Variants in GRK5 observed in about 807,000 individuals in gnomAD.
The protein encoded by GRK5 is g protein-coupled receptor kinase GRK5.
Under a neutral mutation model 78.4 loss-of-function variants are expected in GRK5, and 40 were observed. The ratio of observed to expected loss-of-function variants is 0.51; its 90% CI spans 0.40 to 0.66. The LOEUF is 0.66. Ranked by LOEUF, GRK5 falls within the 30% of genes least tolerant of loss-of-function variation. The pLI is 0.00. For missense variants in GRK5, 598 were observed against 759.9 expected (o/e 0.79, Z 2.50); for synonymous variants, 289 against 296.8 (o/e 0.97, Z 0.27).
At chr10:119,425,245 A>G (rs1852652023) in intron 6 of GRK5, among the ~76,000 whole-genome samples, 160 bp downstream of exon 6, 1 of 148,220 alleles carries the variant, frequency 6.7e-6, no homozygotes, top group Non-Finnish European at 1.5e-5. Flanking sequence ...GAAATGCTGT[A>G]TGCTTATTCA....
intron 3 of GRK5, among the ~76,000 whole-genome samples, chr10:119,393,705 C>G (rs1851924143): frequency 1.3e-5 from 2 of 152,210 alleles, no homozygotes; most frequent in South Asian, 4.1e-4. Flanking sequence ...TTTGGAGACG[C>G]CACTGCTGCC....
chr10:119,437,976 TAGTCCCAGATACTTGGG>T (rs1413234220), intron 9 of GRK5, among the ~76,000 whole-genome samples: 1 of 152,228 alleles, frequency 6.6e-6, no homozygotes, highest in African/African-American at 2.4e-5. Flanking sequence ...CACGCGCCTG[TAGTCCCAGATACTTGGG>T]AGGCTGAGGC....
At position 119,238,190 on chromosome 10, in the gene GRK5, G is replaced by T. The variant is rs1269926225; in HGVS notation, c.52+30221G>T. Among the ~76,000 whole-genome samples, 1 of 152,132 alleles carries T rather than the reference G, an allele frequency of 6.6e-6. No individual in the cohort carries two copies. Among genetic ancestry groups the T allele is most frequent in the East Asian group, 1.9e-4 (1 of 5,188 alleles). On this transcript the variant is annotated intron_variant, in intron 1 of 15. Transcript: ENST00000392870. This position sits in a 1 kb window ranked among gnomAD's most constrained non-coding sequence, Gnocchi z 4.7. The stretch of plus-strand genomic sequence containing the variant: ...GTGTGCCCCTCACAGTAGATGGGGT[G>T]ACAGACAGTTCTGCCCTCTGCTGTG...
intron 2 of GRK5, among the ~76,000 whole-genome samples, chr10:119,366,011 A>G (rs1476487717): frequency 1.3e-5 from 2 of 152,096 alleles, no homozygotes; most frequent in African/African-American, 4.8e-5. Context: ...GGGTGCCAAC[A>G]TGTGCAGGGA....
chr10:119,403,426 A>G (rs1433253034), intron 4 of GRK5, among the ~76,000 whole-genome samples: 4 of 152,058 alleles, frequency 2.6e-5, no homozygotes, highest in Non-Finnish European at 5.9e-5. Context: ...CAGCCTCCCA[A>G]AGTGCTAGGA....
At chr10:119,371,100 C>T (rs1004689421) in intron 2 of GRK5, among the ~76,000 whole-genome samples, 3 of 152,166 alleles carry the variant, frequency 2.0e-5, no homozygotes, top group African/African-American at 7.2e-5. Flanking sequence ...TGAAATTGAA[C>T]GTGTGTTTTC....
chr10:119,287,781 G>A (rs953510102), intron 1 of GRK5, among the ~76,000 whole-genome samples: 13 of 152,150 alleles, frequency 8.5e-5, no homozygotes, highest in Non-Finnish European at 1.9e-4. Context: ...CCAGCGCCGG[G>A]GCTATGTGGT....
At chr10:119,313,270 T>TGGC (rs1825186203) in intron 1 of GRK5, among the ~76,000 whole-genome samples, 1 of 146,818 alleles carries the variant, frequency 6.8e-6, no homozygotes, top group Non-Finnish European at 1.5e-5. Context: ...GTGGTGGTAA[T>TGGC]AGTGGTGATG....
At chr10:119,454,860 C>T in intron 15 of GRK5, 109 bp from the exon 16 acceptor site, 1 of 702,858 alleles carries the variant, frequency 1.4e-6, no homozygotes, top group Non-Finnish European at 2.5e-6. Context: ...CTGCAAAAGG[C>T]AATAAAAAGC....
intron 3 of GRK5, among the ~76,000 whole-genome samples, chr10:119,386,863 C>T (rs986919048): frequency 2.6e-5 from 4 of 152,226 alleles, no homozygotes; most frequent in African/African-American, 7.2e-5. Flanking sequence ...AGTAGCGCCC[C>T]GGGTGCTGCC....
chr10:119,291,873 A>C lies in GRK5; in HGVS notation c.53-34643A>C, dbSNP rs200364917. On this transcript the variant is annotated intron_variant, in intron 1 of 15. Transcript: ENST00000392870. ...CTTCCTTCTTCTCCTTTTCCTCCTC[A>C]TCCTCCTCCTCCTTCTGCTCATCTT... is the stretch of plus-strand genomic sequence containing the variant. Among the ~76,000 whole-genome samples, 537 of 71,938 alleles carry C rather than the reference A, an allele frequency of 7.5e-3. 1 individual carries two copies. The highest frequency in any genetic ancestry group is 0.01 in the East Asian group (19 of 1,900). The allele number at this position is 71,938 out of a possible 152,430, so 47.2% of individuals were successfully genotyped here.
chr10:119,371,776 T>C (rs1056563658), intron 2 of GRK5, among the ~76,000 whole-genome samples: 1 of 152,210 alleles, frequency 6.6e-6, no homozygotes, highest in Non-Finnish European at 1.5e-5. Flanking sequence ...GTAAAACCCA[T>C]CATTTCCTGA....
At chr10:119,222,330 G>A (rs894078751) in intron 1 of GRK5, among the ~76,000 whole-genome samples, 8 of 152,082 alleles carry the variant, frequency 5.3e-5, no homozygotes, top group South Asian at 2.1e-4. Flanking sequence ...GTATCAGGTC[G>A]GGGGGCAGAA....
intron 1 of GRK5, among the ~76,000 whole-genome samples, chr10:119,276,606 G>A (rs1849674551): frequency 6.6e-6 from 1 of 152,180 alleles, no homozygotes; most frequent in Admixed American, 6.5e-5. Context: ...AGTCTTTTGG[G>A]TATATACCCA....
At position 119,412,875 on chromosome 10, in the gene GRK5, C is replaced by G. The variant is rs1003188883; in HGVS notation, c.340-10291C>G. ...CCTCTGCTTTCCCCACCCCAGACCCCGTCGCTGCAGCTGGGTGAGCAGGGC... is the reference window on the plus strand; with the variant it reads ...CCTCTGCTTTCCCCACCCCAGACCCGGTCGCTGCAGCTGGGTGAGCAGGGC... On this transcript the variant is annotated intron_variant, in intron 4 of 15. Transcript: ENST00000392870. This position sits in a 1 kb window ranked among gnomAD's most constrained non-coding sequence, Gnocchi z 4.3. 6.6e-6 allele frequency among the ~76,000 whole-genome samples: 1 copy of G among 152,166 alleles called. No individual in the cohort carries two copies. The highest frequency in any genetic ancestry group is 1.5e-5 in the Non-Finnish European group (1 of 68,036).
intron 4 of GRK5, among the ~76,000 whole-genome samples, chr10:119,405,203 C>G (rs1852216224): frequency 6.6e-6 from 1 of 151,962 alleles, no homozygotes; most frequent in South Asian, 2.1e-4. Context: ...AGGGGGTGGA[C>G]AGGTGGGTTG....
In GRK5 at chr10:119,319,064, T is replaced by C. The variant is rs1201174780; in HGVS notation, c.53-7452T>C. The stretch of plus-strand genomic sequence containing the variant: ...TTCTGCCTTCCATCAGGCACTCCTT[T>C]CCCTGATAGGACATGCCCTCCTCCT... On this transcript the variant is annotated intron_variant, in intron 1 of 15. Transcript: ENST00000392870. 2.0e-5 allele frequency among the ~76,000 whole-genome samples: 3 copies of C among 152,220 alleles called. No individual in the cohort carries two copies. In the East Asian group the frequency reaches 5.8e-4, roughly 29 times the overall value.
At chr10:119,395,724 G>A (rs1852038761) in intron 3 of GRK5, among the ~76,000 whole-genome samples, 1 of 152,110 alleles carries the variant, frequency 6.6e-6, no homozygotes, top group Non-Finnish European at 1.5e-5. Context: ...TCTGTTTTTT[G>A]GAGACCTCCC....
intron 3 of GRK5, among the ~76,000 whole-genome samples, chr10:119,394,340 G>GTTTGTGTGTGTGTC (rs1564917048): frequency 1.1e-5 from 1 of 87,970 alleles, no homozygotes; most frequent in African/African-American, 4.1e-5. Context: ...GTGTGTCTGT[G>GTTTGTGTGTGTGTC]TGTGGGCATG....
Sources: allele counts gnomAD v4.1 joint callset (sites outside exome capture counted in the v4.1 genomes callset), GRCh38; gene constraint gnomAD v4.1.1; non-coding constraint Gnocchi (gnomAD v3.1); transcripts MANE v1.5; gene names NCBI Gene and HGNC (gene_info 2026-07-23, HGNC 2026-07-21).